DNTTIP2: variants seen among roughly 807,000 people sequenced by gnomAD.
The protein encoded by DNTTIP2 is deoxynucleotidyltransferase terminal-interacting protein 2.
Under a neutral mutation model 62.4 loss-of-function variants are expected in DNTTIP2, and 47 were observed. The observed-to-expected ratio is 0.75, with a 90% CI of 0.60 to 0.96. DNTTIP2 has a LOEUF of 0.96. DNTTIP2 is among the 40% of genes least tolerant of loss of function. The pLI, the probability that DNTTIP2 is intolerant of heterozygous loss-of-function variation, is 0.00. For synonymous variants in DNTTIP2, 322 were observed against 300.9 expected (o/e 1.07, Z -0.73); for missense variants, 870 against 849.1 (o/e 1.02, Z -0.31).
At chr1:93,872,289 T>TA (rs1313521514) in intron 4 of DNTTIP2, 53 bp from the exon 5 acceptor site, 1 of 1,551,862 alleles carries the variant, frequency 6.4e-7, no homozygotes, top group Non-Finnish European at 8.7e-7. Flanking sequence ...GTATACATTA[T>TA]AATTCATTTC....
chr1:93,872,850 C>T (rs745592821), intron 4 of DNTTIP2, among the ~76,000 whole-genome samples: 5 of 151,344 alleles, frequency 3.3e-5, no homozygotes, highest in African/African-American at 9.7e-5. Context: ...GATAACTAGT[C>T]GAAATGGCAG....
Position 93,877,396 on chromosome 1 carries a change from G to T in DNTTIP2, c.539C>A (p.Thr180Lys). 6.2e-7 allele frequency: 1 copy of T among 1,613,820 alleles called. No homozygotes were observed. Among genetic ancestry groups the T allele is most frequent in the Non-Finnish European group, 8.5e-7 (1 of 1,179,888 alleles). The change falls in exon 2 of 7, where the codon ACA (threonine) becomes AAA (lysine). Residue 180 changes from threonine to lysine, a missense_variant. By Grantham distance (78) the Thr-to-Lys change is moderately conservative (BLOSUM62 -1). Coordinates refer to ENST00000436063, the MANE Select transcript of DNTTIP2 (RefSeq NM_014597.5). ...SLTDPSQESH[T>K]EAISDAETSS... ...TGTCTCAGCATCAGATATAGCTTCT[G>T]TATGAGATTCTTGGCTTGGATCTGT...
At chr1:93,873,482 G>T in intron 3 of DNTTIP2, 1 of 300,986 alleles carries the variant, frequency 3.3e-6, no homozygotes, top group South Asian at 3.2e-5. Context: ...CACACCTGTA[G>T]TCCCAGCTAC....
At position 93,876,391 on chromosome 1, in the gene DNTTIP2, G is replaced by A; in HGVS notation, c.1544C>T (p.Ala515Val). ...LEEEDKASEVAIEEEKEEEED... is the reference protein window; with the variant it reads ...LEEEDKASEVVIEEEKEEEED... ...TTCCTCTTCTTTTTCTTCCTCAATGGCAACCTCACTTGCCTTGTCTTCCTC... is the reference window on the plus strand; with the variant it reads ...TTCCTCTTCTTTTTCTTCCTCAATGACAACCTCACTTGCCTTGTCTTCCTC... The change falls in exon 2 of 7, where the codon GCC becomes GTC. Residue 515 changes from alanine to valine, a missense_variant. Transcript: ENST00000436063. 6.3e-7 allele frequency: 1 copy of A among 1,597,394 alleles called. No individual in the cohort carries two copies. The highest frequency in any genetic ancestry group is 8.5e-7 in the Non-Finnish European group (1 of 1,171,238).
rs1557717176 is a variant in DNTTIP2 at position 93,870,734 on chromosome 1, TGC to T, written c.2124_2125del (p.Gln709LysfsTer12). 1 of 1,576,324 alleles carries T rather than the reference TGC, an allele frequency of 6.3e-7. No homozygotes were observed. The highest frequency in any genetic ancestry group is 8.6e-7 in the Non-Finnish European group (1 of 1,158,144). On this transcript the variant is annotated frameshift_variant, in exon 6 of 7. Coordinates refer to ENST00000436063, the MANE Select transcript of DNTTIP2 (RefSeq NM_014597.5). LOFTEE classifies it high-confidence loss of function. ...TTCTTCCACAATAGTTCTTTTCCTT[TGC>T]TTCTTGGGAATTCGTGAATGGTAGA...
intron 1 of DNTTIP2, chr1:93,878,459 C>G (rs1349125366): frequency 6.5e-6 from 1 of 154,086 alleles, no homozygotes; most frequent in Non-Finnish European, 1.4e-5. Context: ...ACATTCTGAC[C>G]CACCTATAGA....
In DNTTIP2 at chr1:93,879,152, T is replaced by G; in HGVS notation, c.-4A>C. 6.2e-7 allele frequency: 1 copy of G among 1,612,446 alleles called. No homozygotes were observed. On this transcript the variant is annotated 5_prime_UTR_variant, in exon 1 of 7. Coordinates refer to ENST00000436063, the MANE Select transcript of DNTTIP2 (RefSeq NM_014597.5). ...GTGCAGATCTGGTAACCACCATCTT[T>G]CCGGCTCCCTCGCGACCACCACGAC... is the stretch of plus-strand genomic sequence containing the variant.
intron 5 of DNTTIP2, chr1:93,871,000 T>A (rs1655848713): frequency 3.0e-6 from 1 of 338,672 alleles, no homozygotes; most frequent in East Asian, 4.6e-5. Context: ...TTATAGTAGA[T>A]CCAAAATTTC....
At position 93,876,755 on chromosome 1, in the gene DNTTIP2, A is replaced by G; in HGVS notation, c.1180T>C (p.Cys394Arg). 6.2e-7 allele frequency: 1 copy of G among 1,613,938 alleles called. No individual in the cohort carries two copies. The highest frequency in any genetic ancestry group is 8.5e-7 in the Non-Finnish European group (1 of 1,179,870). Residue 394 changes from cysteine (C) to arginine (R), a missense_variant, in exon 2 of 7, where the codon TGT becomes CGT. Physicochemically the swap from Cys to Arg is radical, Grantham distance 180. Coordinates refer to ENST00000436063, the MANE Select transcript of DNTTIP2 (RefSeq NM_014597.5). ...KASDLTKFGD[C>R]GGSDDEEEST... is the part of the protein sequence containing the mutation. ...TCTTCTTCATCATCACTACCACCAC[A>G]ATCACCAAACTTTGTCAAGTCACTT...
chr1:93,874,370 T>C (rs546344410), intron 3 of DNTTIP2, among the ~76,000 whole-genome samples: 5 of 152,260 alleles, frequency 3.3e-5, no homozygotes, highest in African/African-American at 7.2e-5. Context: ...AAAAACCCTG[T>C]TTTAGGAATA....
At chr1:93,873,067 A>C in intron 4 of DNTTIP2, 52 bp downstream of exon 4, 1 of 1,328,584 alleles carries the variant, frequency 7.5e-7, no homozygotes, top group Non-Finnish European at 1.1e-6. Flanking sequence ...GTATAAGCTG[A>C]AAATATATAG....
At position 93,876,265 on chromosome 1, in the gene DNTTIP2, T is replaced by TA. The variant is rs1655999292; in HGVS notation, c.1667+2dup. 5 of 1,494,980 alleles carry TA rather than the reference T, an allele frequency of 3.3e-6. No homozygotes were observed. Among genetic ancestry groups the TA allele is most frequent in the Admixed American group, 2.6e-5 (1 of 37,966 alleles). 92.6% of individuals were successfully genotyped at this position (1,494,980 alleles called of 1,614,324 possible). A position where few individuals can be genotyped will look rare whatever the true frequency, so the allele number is the denominator to read the frequency against. ...AACTTATAAAAATAAAGGAAAAACT[T>TA]ACAGTTTAGCCTTTGTGCTATTTAG... On this transcript the variant is annotated splice_region_variant and intron_variant, in intron 2 of 6. Transcript: ENST00000436063.
intron 4 of DNTTIP2, among the ~76,000 whole-genome samples, chr1:93,872,722 T>C (rs1244131087): frequency 2.0e-5 from 3 of 152,218 alleles, no homozygotes; most frequent in Admixed American, 6.5e-5. Context: ...CTACAAGTTA[T>C]TTAATTTTGT....
intron 1 of DNTTIP2, among the ~76,000 whole-genome samples, chr1:93,878,217 T>C (rs967585728): frequency 1.3e-5 from 2 of 152,036 alleles, no homozygotes; most frequent in African/African-American, 4.8e-5. Flanking sequence ...GGCAGAAGAA[T>C]TGTTGGAATC....
Position 93,876,818 on chromosome 1 carries a change from C to T in DNTTIP2, c.1117G>A (p.Gly373Ser). The T allele has an allele frequency of 1.2e-6, 2 of 1,613,958 alleles. No homozygotes were observed. Among genetic ancestry groups the T allele is most frequent in the African/African-American group, 2.7e-5 (2 of 75,038 alleles). The change falls in exon 2 of 7, where the codon GGC (glycine) becomes AGC (serine). Residue 373 changes from glycine (G) to serine (S), a missense_variant. By Grantham distance (56) the Gly-to-Ser change is moderately conservative. Transcript: ENST00000436063. ...CTCTTTTTGTTGTTATTCCATCTGC[C>T]TACTTCCACAGTTGCAAATGTTTGA... The part of the protein sequence containing the change: ...LTQTFATVEV[G>S]RWNNNKKSPI...
rs753750694 is a variant in DNTTIP2, at chr1:93,876,388, A to G, written c.1547T>C (p.Ile516Thr). The G allele has an allele frequency of 2.0e-5, 32 of 1,596,114 alleles. No homozygotes were observed. In the Admixed American group the frequency reaches 3.8e-4, roughly 19 times the overall value. ...EEEDKASEVA[I>T]EEEKEEEEDE... ...CTCTTCCTCTTCTTTTTCTTCCTCAATGGCAACCTCACTTGCCTTGTCTTC... is the reference window on the plus strand; with the variant it reads ...CTCTTCCTCTTCTTTTTCTTCCTCAGTGGCAACCTCACTTGCCTTGTCTTC... The change falls in exon 2 of 7, where the codon ATT (isoleucine) becomes ACT (threonine). Residue 516 changes from isoleucine (I) to threonine (T), a missense_variant. By Grantham distance (89) the Ile-to-Thr change is moderately conservative. Transcript: ENST00000436063.
rs1655798188 is a variant in DNTTIP2 at position 93,869,401 on chromosome 1, C to T, written c.*450G>A. On this transcript the variant is annotated 3_prime_UTR_variant, in exon 7 of 7. Coordinates refer to ENST00000436063, the MANE Select transcript of DNTTIP2 (RefSeq NM_014597.5). ...TTTTATAGCTAACTATAGGGCATTG[C>T]CTCTCTACCATCTCCCGTCCCCTAC... is the stretch of plus-strand genomic sequence containing the variant. 1 of 152,942 alleles carries T rather than the reference C, an allele frequency of 6.5e-6. No individual in the cohort carries two copies. Among genetic ancestry groups the T allele is most frequent in the Admixed American group, 6.5e-5 (1 of 15,328 alleles). 9.5% of individuals were successfully genotyped at this position (152,942 alleles called of 1,614,324 possible).
Position 93,872,097 on chromosome 1 carries a change from C to G in DNTTIP2, c.2042G>C (p.Arg681Thr). The part of the protein sequence containing the change: ...DPKRFYKKND[R>T]DGFPKYFQIG... ...CTGGAAGTACTTGGGGAAGCCATCTCTATCATTTTTCTTGTAAAATCTTTT... is the reference window on the plus strand; with the variant it reads ...CTGGAAGTACTTGGGGAAGCCATCTGTATCATTTTTCTTGTAAAATCTTTT... Residue 681 changes from arginine (R) to threonine (T), a missense_variant, in exon 5 of 7, where the codon AGA (arginine) becomes ACA (threonine). Transcript: ENST00000436063. 1 of 1,613,824 alleles carries G rather than the reference C, an allele frequency of 6.2e-7. No homozygotes were observed. The highest frequency in any genetic ancestry group is 8.5e-7 in the Non-Finnish European group (1 of 1,179,780).
intron 3 of DNTTIP2, 103 bp from the exon 4 acceptor site, chr1:93,873,317 A>C: frequency 1.2e-6 from 1 of 842,946 alleles, no homozygotes; most frequent in Non-Finnish European, 1.9e-6. Context: ...TCAGCCTGGC[A>C]AAGTGGCTCA....
Sources: allele counts gnomAD v4.1 joint callset (sites outside exome capture counted in the v4.1 genomes callset), GRCh38; gene constraint gnomAD v4.1.1; transcripts MANE v1.5; gene names NCBI Gene and HGNC (gene_info 2026-07-23, HGNC 2026-07-21).